KCNMA1: variants seen among roughly 807,000 people sequenced by gnomAD.
KCNMA1 encodes the protein Calcium-activated potassium channel subunit alpha-1.
A neutral mutation model predicts 140.0 loss-of-function variants in KCNMA1; 29 were observed. The ratio of observed to expected loss-of-function variants is 0.21; its 90% CI spans 0.15 to 0.28. The LOEUF (loss-of-function observed/expected upper bound fraction) is 0.28, where lower values mean the gene tolerates loss of function less well. KCNMA1 is among the 10% of genes least tolerant of loss of function. The pLI, the probability that KCNMA1 is intolerant of heterozygous loss-of-function variation, is 1.00. For missense variants in KCNMA1, 880 were observed against 1,602.2 expected (o/e 0.55, Z 7.70); for synonymous variants, 612 against 611.9 (o/e 1.00, Z 0.00).
intron 17 of KCNMA1, among the ~76,000 whole-genome samples, chr10:77,013,563 G>A (rs1406285988): frequency 6.6e-6 from 1 of 152,206 alleles, no homozygotes; most frequent in Non-Finnish European, 1.5e-5. Flanking sequence ...AAGTAACTCT[G>A]CGTCCACTTC....
intron 15 of KCNMA1, among the ~76,000 whole-genome samples, chr10:77,030,131 T>C (rs2093818607): frequency 6.6e-6 from 1 of 152,196 alleles, no homozygotes; most frequent in South Asian, 2.1e-4. Context: ...GACAGTCAGA[T>C]GTCAAAGGAC....
intron 1 of KCNMA1, chr10:77,636,375 C>A (rs770443921): frequency 2.0e-6 from 3 of 1,534,790 alleles, no homozygotes; most frequent in Non-Finnish European, 1.7e-6. Context: ...TGGGCGTCTG[C>A]ACCAGGAATA....
chr10:77,401,125 C>T (rs1308783967), intron 2 of KCNMA1, among the ~76,000 whole-genome samples: 1 of 151,512 alleles, frequency 6.6e-6, no homozygotes, highest in East Asian at 1.9e-4. Flanking sequence ...GCCTCAAAAT[C>T]TCCTTGTTCT....
intron 3 of KCNMA1, among the ~76,000 whole-genome samples, chr10:77,195,248 T>C (rs1475480414): frequency 6.6e-6 from 1 of 152,202 alleles, no homozygotes; most frequent in Non-Finnish European, 1.5e-5. Context: ...AGGAGTTTTG[T>C]TGAGAGCCTA....
At chr10:77,516,283 T>C (rs2050396032) in intron 1 of KCNMA1, among the ~76,000 whole-genome samples, 1 of 152,088 alleles carries the variant, frequency 6.6e-6, no homozygotes, top group African/African-American at 2.4e-5. Context: ...ACATGGCCCT[T>C]TCCTGAAATC....
intron 5 of KCNMA1, among the ~76,000 whole-genome samples, chr10:77,176,003 C>A (rs1320016291): frequency 6.6e-6 from 1 of 152,208 alleles, no homozygotes; most frequent in Non-Finnish European, 1.5e-5. Context: ...TTACCAAATG[C>A]AGAGGCCAGT....
At chr10:77,248,912 A>G (rs2059160548) in intron 3 of KCNMA1, among the ~76,000 whole-genome samples, 1 of 152,174 alleles carries the variant, frequency 6.6e-6, no homozygotes, top group Non-Finnish European at 1.5e-5. Context: ...GAATCCACTG[A>G]TTGGGCCTGC....
intron 19 of KCNMA1, chr10:76,973,302 C>CATA (rs2076608864): frequency 6.6e-6 from 1 of 152,462 alleles, no homozygotes; most frequent in Non-Finnish European, 1.5e-5. Flanking sequence ...TCCAAGTACT[C>CATA]ATAAAATTCA....
At chr10:77,377,224 G>C (rs919046803) in intron 2 of KCNMA1, among the ~76,000 whole-genome samples, 2 of 152,128 alleles carry the variant, frequency 1.3e-5, no homozygotes, top group Non-Finnish European at 2.9e-5. Context: ...GGCCTCAGGA[G>C]CCCCAGCTCA....
At chr10:77,148,712 T>A (rs1445072934) in intron 5 of KCNMA1, among the ~76,000 whole-genome samples, 2 of 152,200 alleles carry the variant, frequency 1.3e-5, no homozygotes, top group Non-Finnish European at 2.9e-5. Flanking sequence ...AAGTGCTCAA[T>A]GCGGCCATTG....
intron 1 of KCNMA1, among the ~76,000 whole-genome samples, chr10:77,505,367 TG>T (rs1389270507): frequency 6.6e-6 from 1 of 152,166 alleles, no homozygotes; most frequent in Non-Finnish European, 1.5e-5. Context: ...GCCCTGGCAA[TG>T]GGGGGCACTT....
intron 11 of KCNMA1, among the ~76,000 whole-genome samples, chr10:77,085,320 T>C (rs2096666681): frequency 6.6e-6 from 1 of 152,206 alleles, no homozygotes; most frequent in East Asian, 1.9e-4. Context: ...AAATAATGTG[T>C]TACAGTTGAA....
chr10:76,999,124 G>T (rs1358039686), intron 19 of KCNMA1, among the ~76,000 whole-genome samples: 2 of 152,216 alleles, frequency 1.3e-5, no homozygotes, highest in African/African-American at 4.8e-5. Flanking sequence ...GTTTCTTAGA[G>T]AATGGGACAA....
chr10:76,962,605 T>C (rs2072075541), intron 20 of KCNMA1, among the ~76,000 whole-genome samples: 1 of 152,222 alleles, frequency 6.6e-6, no homozygotes, highest in Admixed American at 6.5e-5. Context: ...AAAGCCATCA[T>C]CCTGAACAGC....
At chr10:77,537,414 C>G (rs1828888868) in intron 1 of KCNMA1, among the ~76,000 whole-genome samples, 1 of 152,212 alleles carries the variant, frequency 6.6e-6, no homozygotes, top group Non-Finnish European at 1.5e-5. Context: ...TCCTTGCCCC[C>G]ACCCAGGGCC....
At chr10:77,458,371 G>A (rs1026861272) in intron 1 of KCNMA1, among the ~76,000 whole-genome samples, 1 of 152,188 alleles carries the variant, frequency 6.6e-6, no homozygotes, top group Non-Finnish European at 1.5e-5. Flanking sequence ...CCTCCCTGAG[G>A]ACCAAGGCAC....
intron 2 of KCNMA1, among the ~76,000 whole-genome samples, chr10:77,371,408 G>A (rs1220431538): frequency 1.3e-5 from 2 of 152,128 alleles, no homozygotes; most frequent in Non-Finnish European, 2.9e-5. Context: ...ACAAGCTGGA[G>A]CCCCACAAGT....
chr10:76,967,155 T>C (rs2074276746), intron 20 of KCNMA1, among the ~76,000 whole-genome samples: 1 of 152,220 alleles, frequency 6.6e-6, no homozygotes, highest in African/African-American at 2.4e-5. Context: ...TTCTGGGTTC[T>C]CCAGTTCCTC....
At chr10:77,350,586 T>C (rs941095602) in intron 2 of KCNMA1, 2 of 152,222 alleles carry the variant, frequency 1.3e-5, no homozygotes, top group African/African-American at 4.8e-5. Flanking sequence ...CAAAGAAACC[T>C]TCAGAGAACT....
Sources: allele counts gnomAD v4.1 joint callset (sites outside exome capture counted in the v4.1 genomes callset), GRCh38; gene constraint gnomAD v4.1.1; transcripts MANE v1.5; gene names NCBI Gene and HGNC (gene_info 2026-07-23, HGNC 2026-07-21).